The following SPATS2 variants were observed in gnomAD, a reference collection of about 807,000 sequenced individuals.
SPATS2 encodes the protein spermatogenesis associated serine rich 2, also known as spermatogenesis-associated serine-rich protein 2.
Under a neutral mutation model 63.7 loss-of-function variants are expected in SPATS2, and 38 were observed. The observed-to-expected ratio is 0.60, with a 90% CI of 0.46 to 0.78. The LOEUF is 0.78. SPATS2 is among the 30% of genes least tolerant of loss of function. The pLI, the probability that SPATS2 is intolerant of heterozygous loss-of-function variation, is 0.00. For synonymous variants in SPATS2, 207 were observed against 232.9 expected (o/e 0.89, Z 1.01); for missense variants, 588 against 666.2 (o/e 0.88, Z 1.29).
At chr12:49,374,551 T>C (rs976665963) in intron 2 of SPATS2, among the ~76,000 whole-genome samples, 1 of 152,202 alleles carries the variant, frequency 6.6e-6, no homozygotes, top group African/African-American at 2.4e-5. Flanking sequence ...TACCATCTTC[T>C]ATACAGATTC....
chr12:49,472,490 A>G (rs1946051984), intron 3 of SPATS2, among the ~76,000 whole-genome samples: 1 of 151,432 alleles, frequency 6.6e-6, no homozygotes, highest in African/African-American at 2.4e-5. Context: ...AACTTGGATT[A>G]TATTTAACAG....
chr12:49,446,932 C>CTTTTTT (rs568526407), intron 2 of SPATS2, among the ~76,000 whole-genome samples: 3 of 142,866 alleles, frequency 2.1e-5, no homozygotes, highest in African/African-American at 5.1e-5. Context: ...CTTTTCTTTT[C>CTTTTTT]TTTTTTTTTT....
chr12:49,395,822 T>G (rs972575658), intron 2 of SPATS2, among the ~76,000 whole-genome samples: 4 of 152,232 alleles, frequency 2.6e-5, no homozygotes, highest in Admixed American at 6.5e-5. Flanking sequence ...TAATATTAAC[T>G]ATAGGGACAG....
chr12:49,395,011 T>C (rs970822236), intron 2 of SPATS2, among the ~76,000 whole-genome samples: 1 of 151,464 alleles, frequency 6.6e-6, no homozygotes, highest in Non-Finnish European at 1.5e-5. Context: ...AGGCGGAGGT[T>C]GCAGTGAGCC....
chr12:49,393,996 CT>C (rs1944463861), intron 2 of SPATS2, among the ~76,000 whole-genome samples: 3 of 152,128 alleles, frequency 2.0e-5, no homozygotes, highest in Admixed American at 6.5e-5. Flanking sequence ...CCTACAACTT[CT>C]TTTTCAAAGT....
rs750579015 is a variant in SPATS2, at chr12:49,500,126, C to T, written c.760C>T (p.Arg254Trp). 8.7e-6 allele frequency: 14 copies of T among 1,610,016 alleles called. No individual in the cohort carries two copies. Among genetic ancestry groups the T allele is most frequent in the South Asian group, 7.7e-5 (7 of 90,506 alleles). Residue 254 changes from arginine to tryptophan, a missense_variant, in exon 9 of 14, where the codon CGG becomes TGG. By Grantham distance (101) the Arg-to-Trp change is moderately radical (BLOSUM62 -3). Transcript: ENST00000552918. ...CCAGCGCTGCACAGTGTCTCTTGCACGGTATCGAGTTGTAGTTAAAGAAGA... is the reference window on the plus strand; with the variant it reads ...CCAGCGCTGCACAGTGTCTCTTGCATGGTATCGAGTTGTAGTTAAAGAAGA... Reference protein sequence around the residue: ...DLQRCTVSLARYRVVVKEEMD... With the variant: ...DLQRCTVSLAWYRVVVKEEMD...
At chr12:49,484,992 C>T (rs934979236) in intron 4 of SPATS2, among the ~76,000 whole-genome samples, 1 of 151,962 alleles carries the variant, frequency 6.6e-6, no homozygotes, top group African/African-American at 2.4e-5. Flanking sequence ...AAGGAACAAT[C>T]GAATAGGATC....
At chr12:49,417,419 G>A (rs1944907225) in intron 2 of SPATS2, among the ~76,000 whole-genome samples, 1 of 152,234 alleles carries the variant, frequency 6.6e-6, no homozygotes. Context: ...AATTTAGAAT[G>A]TAGAGACTGT....
chr12:49,503,206 C>T (rs571497673), intron 9 of SPATS2, among the ~76,000 whole-genome samples: 76 of 152,034 alleles, frequency 5.0e-4, no homozygotes, highest in Non-Finnish European at 8.4e-4. Flanking sequence ...AAAAATTAGC[C>T]GGGCGTGGTG....
chr12:49,508,608 A>G (rs1946692711), intron 9 of SPATS2, among the ~76,000 whole-genome samples: 2 of 151,942 alleles, frequency 1.3e-5, no homozygotes, highest in Admixed American at 6.6e-5. Flanking sequence ...TTTAATTTTT[A>G]TGTTTTTGGA....
intron 2 of SPATS2, among the ~76,000 whole-genome samples, chr12:49,387,941 G>A (rs930132109): frequency 6.6e-6 from 1 of 152,068 alleles, no homozygotes; most frequent in Admixed American, 6.6e-5. Context: ...AATGCCTTTT[G>A]CTTTAAGTAT....
intron 2 of SPATS2, among the ~76,000 whole-genome samples, chr12:49,384,920 C>T (rs1479637895): frequency 6.6e-6 from 1 of 152,016 alleles, no homozygotes; most frequent in African/African-American, 2.4e-5. Context: ...AGCAATTATC[C>T]TGCCTCATCC....
chr12:49,413,671 C>A (rs1404801065), intron 2 of SPATS2, among the ~76,000 whole-genome samples: 2 of 152,112 alleles, frequency 1.3e-5, no homozygotes, highest in African/African-American at 4.8e-5. Context: ...GTTTGAGGTC[C>A]AGGATCTTGC....
intron 2 of SPATS2, among the ~76,000 whole-genome samples, chr12:49,424,111 G>A (rs1027711450): frequency 7.9e-5 from 12 of 152,262 alleles, no homozygotes; most frequent in Middle Eastern, 3.4e-3. Flanking sequence ...GCTGAGGCAG[G>A]AGAATCACTT....
Position 49,423,844 on chromosome 12 carries a change from A to C in SPATS2, c.-243-36926A>C, listed in dbSNP as rs146880080. On this transcript the variant is annotated intron_variant, in intron 2 of 13. Coordinates refer to ENST00000552918, the MANE Select transcript of SPATS2 (RefSeq NM_023071.4). ...AGTCAGGGAAGGCATTTTAAATATT[A>C]TGTTACGGAGAAAAGTTTAACTCTG... Among the ~76,000 whole-genome samples the C allele has an allele frequency of 3.9e-3, 590 of 152,268 alleles. 2 individuals are homozygous for C. Among genetic ancestry groups the C allele is most frequent in the African/African-American group, 0.013 (553 of 41,548 alleles).
At chr12:49,492,123 T>C (rs536165029) in intron 6 of SPATS2, among the ~76,000 whole-genome samples, 225 of 152,334 alleles carry the variant, frequency 1.5e-3, no homozygotes, top group Non-Finnish European at 2.3e-3. Context: ...ACCTGTAGTT[T>C]TGAATATTTG....
chr12:49,496,911 C>T lies in SPATS2; in HGVS notation c.605C>T (p.Pro202Leu). Residue 202 changes from proline (P) to leucine (L), a missense_variant, in exon 8 of 14, where the codon CCC (proline) becomes CTC (leucine). Transcript: ENST00000552918. ...CACTCTATTCACAATTCTCAACAAC[C>T]CAGGAATGCTGCCAAATCTCTCTCA... ...TMHSIHNSQQPRNAAKSLSRP... is the reference protein window; with the variant it reads ...TMHSIHNSQQLRNAAKSLSRP... 1 of 1,613,288 alleles carries T rather than the reference C, an allele frequency of 6.2e-7. No homozygotes were observed.
Position 49,489,516 on chromosome 12 carries a change from C to T in SPATS2, c.157C>T (p.Leu53=). The T allele has an allele frequency of 6.2e-7, 1 of 1,613,804 alleles. No homozygotes were observed. Among genetic ancestry groups the T allele is most frequent in the Non-Finnish European group, 8.5e-7 (1 of 1,179,846 alleles). ...VPNKSNNEII[L]VLQHFDNCVD... is the part of the protein sequence containing the mutation. ...TAATAAGAGCAACAATGAAATTATC[C>T]TGGTTTTGCAGCACTTTGATAACTG... The change falls in exon 5 of 14, where the codon CTG becomes TTG. Residue 53 remains leucine, a synonymous_variant. Transcript: ENST00000552918.
chr12:49,404,690 C>A (rs73297206), intron 2 of SPATS2, among the ~76,000 whole-genome samples: 1 of 152,072 alleles, frequency 6.6e-6, no homozygotes, highest in South Asian at 2.1e-4. Context: ...CTTTGCCCCT[C>A]CAACTGCCAA....
Sources: gnomAD v4.1 joint callset for allele counts (sites outside exome capture counted in the v4.1 genomes callset) on GRCh38, gnomAD v4.1.1 for gene constraint, MANE v1.5 for transcripts, NCBI Gene and HGNC (gene_info 2026-07-23, HGNC 2026-07-21) for gene names.